GPBP1: variants seen among roughly 807,000 people sequenced by gnomAD.
The protein encoded by GPBP1 is vasculin.
A neutral mutation model predicts 56.5 loss-of-function variants in GPBP1; 13 were observed. The observed-to-expected ratio is 0.23, with a 90% confidence interval of 0.15 to 0.37. The LOEUF (loss-of-function observed/expected upper bound fraction) is 0.37, where lower values mean the gene tolerates loss of function less well. GPBP1 is among the 10% of genes least tolerant of loss of function. The pLI is 1.00. For synonymous variants in GPBP1, 204 were observed against 188.9 expected (o/e 1.08, Z -0.66); for missense variants, 477 against 572.3 (o/e 0.83, Z 1.70).
intron 5 of GPBP1, among the ~76,000 whole-genome samples, chr5:57,233,821 A>G (rs1401636828): frequency 1.3e-5 from 2 of 152,116 alleles, no homozygotes; most frequent in East Asian, 1.9e-4. Flanking sequence ...GTATAAACAA[A>G]CTCTGGGAAT....
At chr5:57,226,728 T>G (rs957072022) in intron 3 of GPBP1, among the ~76,000 whole-genome samples, 7 of 102,930 alleles carry the variant, frequency 6.8e-5, no homozygotes, top group Non-Finnish European at 1.3e-4. Flanking sequence ...ATTTTTGTAT[T>G]CTTTTTTTTT....
intron 2 of GPBP1, among the ~76,000 whole-genome samples, chr5:57,202,499 G>C (rs1220669538): frequency 6.6e-6 from 1 of 152,088 alleles, no homozygotes; most frequent in Non-Finnish European, 1.5e-5. Context: ...ATGTTGGCCA[G>C]GCTGGTCTCG....
At chr5:57,240,978 T>G (rs1740799814) in intron 6 of GPBP1, among the ~76,000 whole-genome samples, 1 of 151,520 alleles carries the variant, frequency 6.6e-6, no homozygotes. Flanking sequence ...AAAAAGGCAT[T>G]GTTAAGGTTA....
chr5:57,231,424 C>A, intron 5 of GPBP1, 103 bp downstream of exon 5: 1 of 843,058 alleles, frequency 1.2e-6, no homozygotes, highest in Non-Finnish European at 1.8e-6. Flanking sequence ...CAGGCATCCA[C>A]CACCAGGCCC....
At position 57,175,676 on chromosome 5, in the gene GPBP1, G is replaced by C. The variant is rs986528087; in HGVS notation, c.-782G>C. The C allele has an allele frequency of 2.5e-6, 1 of 396,494 alleles. No homozygotes were observed. The highest frequency in any genetic ancestry group is 4.4e-5 in the Admixed American group (1 of 22,686). The allele number at this position is 396,494 out of a possible 1,614,324, so 24.6% of individuals were successfully genotyped here. ...TTTCTTCAGTATTTTGGTTCAAACG[G>C]ATTATATAACTGGTTACAGTATTTC... On this transcript the variant is annotated 5_prime_UTR_variant, in exon 2 of 12. Transcript: ENST00000506184.
At chr5:57,250,578 T>C (rs1580077075) in intron 9 of GPBP1, among the ~76,000 whole-genome samples, 1 of 151,416 alleles carries the variant, frequency 6.6e-6, no homozygotes, top group African/African-American at 2.4e-5. Flanking sequence ...AGTTTTGCTC[T>C]TGTCTGGAGT....
intron 5 of GPBP1, among the ~76,000 whole-genome samples, chr5:57,232,856 A>AC: frequency 6.6e-6 from 1 of 152,256 alleles, no homozygotes. Flanking sequence ...CCAAAGAACA[A>AC]GCATTTCTAA....
rs932158203 is a variant in GPBP1, at chr5:57,263,933, T to C, written c.*1181T>C. On this transcript the variant is annotated 3_prime_UTR_variant, in exon 12 of 12. Coordinates refer to ENST00000506184, the MANE Select transcript of GPBP1 (RefSeq NM_022913.4). Reference sequence around the variant, plus strand: ...TTTAGCTCCCCCTTATGTTTAAATATATTCTAACTTATGTAAAGAGCATAA... The same window carrying C: ...TTTAGCTCCCCCTTATGTTTAAATACATTCTAACTTATGTAAAGAGCATAA... The C allele has an allele frequency of 6.6e-6, 1 of 152,208 alleles. No homozygotes were observed. The highest frequency in any genetic ancestry group is 2.4e-5 in the African/African-American group (1 of 41,462). The allele number at this position is 152,208 out of a possible 1,614,324, so 9.4% of individuals were successfully genotyped here.
intron 2 of GPBP1, among the ~76,000 whole-genome samples, chr5:57,207,645 G>C (rs1280726220): frequency 6.6e-6 from 1 of 152,204 alleles, no homozygotes; most frequent in Admixed American, 6.5e-5. Flanking sequence ...TGTATGGGAA[G>C]AATCAGATCA....
intron 3 of GPBP1, among the ~76,000 whole-genome samples, chr5:57,218,929 T>C (rs1755812004): frequency 6.6e-6 from 1 of 152,236 alleles, no homozygotes; most frequent in African/African-American, 2.4e-5. Context: ...ATCTAAACCT[T>C]ATACAGATTT....
At chr5:57,210,175 G>T (rs942600791) in intron 2 of GPBP1, among the ~76,000 whole-genome samples, 3 of 152,134 alleles carry the variant, frequency 2.0e-5, no homozygotes, top group African/African-American at 7.2e-5. Context: ...TTCTTTTTCA[G>T]TCTGAAGAAT....
intron 3 of GPBP1, among the ~76,000 whole-genome samples, chr5:57,217,485 C>T (rs909623376): frequency 2.0e-5 from 3 of 152,010 alleles, no homozygotes; most frequent in Admixed American, 6.6e-5. Flanking sequence ...GCTGGAGAAT[C>T]GCTTTAACCG....
intron 5 of GPBP1, 137 bp downstream of exon 5, chr5:57,231,458 A>G: frequency 1.4e-6 from 1 of 733,732 alleles, no homozygotes; most frequent in Non-Finnish European, 2.2e-6. Flanking sequence ...ATTTTTGTAG[A>G]GACAGGGTTT....
intron 3 of GPBP1, among the ~76,000 whole-genome samples, chr5:57,219,381 A>AAAAAAAAAAAAAACAAAAAAACC (rs1755832692): frequency 1.7e-5 from 1 of 57,888 alleles, no homozygotes; most frequent in African/African-American, 1.3e-4. Flanking sequence ...GTCTCAAAAA[A>AAAAAAAAAAAAAACAAAAAAACC]AAAAAAAAAA....
chr5:57,229,331 G>A (rs960998091), intron 3 of GPBP1, among the ~76,000 whole-genome samples: 4 of 147,984 alleles, frequency 2.7e-5, no homozygotes, highest in African/African-American at 1.0e-4. Flanking sequence ...AGAGGTGCCA[G>A]CTTTGTTCTA....
intron 6 of GPBP1, among the ~76,000 whole-genome samples, chr5:57,241,360 A>T (rs1164861287): frequency 6.6e-6 from 1 of 152,212 alleles, no homozygotes. Flanking sequence ...ATAGAAGAAA[A>T]CTAATTCTTA....
intron 2 of GPBP1, among the ~76,000 whole-genome samples, chr5:57,212,208 G>C (rs111277479): frequency 3.9e-5 from 6 of 152,092 alleles, no homozygotes; most frequent in African/African-American, 1.4e-4. Context: ...GATTATACAT[G>C]ATTCCAGCCC....
rs34533194 is a variant in GPBP1 at position 57,250,922 on chromosome 5, C to CTTT, written c.973-20_973-18dup. ...ATAACTGTATTCTGTAGAACTCATT[C>CTTT]TTTTTTTTTTTTTTAACTCTCTAAA... On this transcript the variant is annotated intron_variant, in intron 9 of 11. Transcript: ENST00000506184. The CTTT allele has an allele frequency of 1.8e-3, 2,085 of 1,172,444 alleles. 34 individuals carry two copies. In the Admixed American group the frequency reaches 0.036, roughly 20 times the overall value. 72.6% of individuals were successfully genotyped at this position (1,172,444 alleles called of 1,614,324 possible). A position where few individuals can be genotyped will look rare whatever the true frequency, so the allele number is the denominator to read the frequency against.
chr5:57,225,516 CTG>C (rs965890630), intron 3 of GPBP1, among the ~76,000 whole-genome samples: 24 of 118,862 alleles, frequency 2.0e-4, no homozygotes, highest in Non-Finnish European at 7.2e-5. Flanking sequence ...AAAAAACAAA[CTG>C]GTATTATTTG....
Sources: gnomAD v4.1 joint callset for allele counts (sites outside exome capture counted in the v4.1 genomes callset) on GRCh38, gnomAD v4.1.1 for gene constraint, MANE v1.5 for transcripts, NCBI Gene and HGNC (gene_info 2026-07-23, HGNC 2026-07-21) for gene names.